The following SLC4A7 variants were observed in gnomAD, a reference collection of about 807,000 sequenced individuals.
SLC4A7 encodes solute carrier family 4 member 7.
In SLC4A7, 51 loss-of-function variants were observed where a neutral mutation model predicts 137.6. That is an observed-to-expected ratio of 0.37 (90% CI 0.30 to 0.47). The LOEUF is 0.47. Among genes scored for constraint, SLC4A7 ranks in the 20% least tolerant of loss-of-function variants. The pLI is 1.00. For missense variants in SLC4A7, 1,247 were observed against 1,525.4 expected, an observed-to-expected ratio of 0.82 and a Z score of 3.04; for synonymous variants, 542 against 518.6, an observed-to-expected ratio of 1.05 and a Z score of -0.61.
At chr3:27,483,724 A>C (rs1403417110) in intron 1 of SLC4A7, among the ~76,000 whole-genome samples, 3 of 152,108 alleles carry the variant, frequency 2.0e-5, no homozygotes, top group Non-Finnish European at 4.4e-5. Context: ...GCGCGCTAAG[A>C]AACAGGGGAG....
At chr3:27,473,244 C>T (rs1313594792) in intron 1 of SLC4A7, among the ~76,000 whole-genome samples, 2 of 151,968 alleles carry the variant, frequency 1.3e-5, no homozygotes. Flanking sequence ...GGCTCCTGTG[C>T]ACTATGATTA....
intron 1 of SLC4A7, among the ~76,000 whole-genome samples, chr3:27,483,259 T>C (rs947681255): frequency 3.3e-5 from 5 of 152,228 alleles, no homozygotes; most frequent in African/African-American, 4.8e-5. Context: ...TCATCACAAA[T>C]GGGAACACCG....
intron 1 of SLC4A7, 25 bp downstream of exon 1, chr3:27,484,042 A>C: frequency 7.2e-7 from 1 of 1,384,902 alleles, no homozygotes; most frequent in Non-Finnish European, 9.4e-7. Flanking sequence ...CCTGCGGAGG[A>C]GCCCCACCGC....
intron 23 of SLC4A7, among the ~76,000 whole-genome samples, chr3:27,383,992 A>AGG (rs1353383826): frequency 2.6e-5 from 4 of 152,216 alleles, no homozygotes; most frequent in Non-Finnish European, 4.4e-5. Context: ...GGTTAAGATT[A>AGG]AGGCTCAAGC....
chr3:27,424,125 G>A lies in SLC4A7; in HGVS notation c.1178C>T (p.Pro393Leu), dbSNP rs529601097. Reference protein sequence around the residue: ...PGILASPQSAPGNLDNSKSGE... With the variant: ...PGILASPQSALGNLDNSKSGE... ...ACTTTTACTATTGTCCAAGTTTCCA[G>A]GAGCAGACTGGGGAGAGGCCAAAAT... Residue 393 changes from proline to leucine, a missense_variant, in exon 8 of 26, where the codon CCT becomes CTT. Physicochemically the swap from Pro to Leu is moderately conservative, Grantham distance 98 (BLOSUM62 -3). Transcript: ENST00000454389. 8 of 1,609,226 alleles carry A rather than the reference G, an allele frequency of 5.0e-6. No homozygotes were observed. In the South Asian group the frequency reaches 8.8e-5, roughly 18 times the overall value.
At chr3:27,391,689 A>T in intron 21 of SLC4A7, 51 bp downstream of exon 21, 2 of 1,039,722 alleles carry the variant, frequency 1.9e-6, no homozygotes, top group Non-Finnish European at 2.9e-6. Context: ...ATCTTTGCAT[A>T]CTTAAAATTA....
Position 27,448,660 on chromosome 3 carries a change from G to A in SLC4A7, c.280C>T (p.Pro94Ser). 1.2e-6 allele frequency: 2 copies of A among 1,610,926 alleles called. No homozygotes were observed. Among genetic ancestry groups the A allele is most frequent in the Non-Finnish European group, 1.7e-6 (2 of 1,178,646 alleles). ...ESDKEDGRES[P>S]SYDTPSQRVQ... Reference sequence around the variant, plus strand: ...AACTGTTTTCTCTTACCATAAGAAGGAGATTCCCGTCCATCTTCTTTATCT... The same window carrying A: ...AACTGTTTTCTCTTACCATAAGAAGAAGATTCCCGTCCATCTTCTTTATCT... The change falls in exon 3 of 26, where the codon CCT becomes TCT. Residue 94 changes from proline (P) to serine (S), a missense_variant. Physicochemically the swap from Pro to Ser is moderately conservative, Grantham distance 74 (BLOSUM62 -1). Transcript: ENST00000454389.
intron 14 of SLC4A7, among the ~76,000 whole-genome samples, chr3:27,404,113 T>G (rs1198038522): frequency 1.3e-5 from 2 of 152,258 alleles, no homozygotes; most frequent in Admixed American, 1.3e-4. Flanking sequence ...GGCTCACGCC[T>G]GTAATCCCAA....
intron 7 of SLC4A7, among the ~76,000 whole-genome samples, chr3:27,426,422 A>G (rs1046842234): frequency 1.3e-5 from 2 of 152,238 alleles, no homozygotes; most frequent in African/African-American, 4.8e-5. Flanking sequence ...AACTACTTCC[A>G]CACAAGAAAA....
At chr3:27,406,792 C>T (rs1301546531) in intron 13 of SLC4A7, among the ~76,000 whole-genome samples, 2 of 151,898 alleles carry the variant, frequency 1.3e-5, no homozygotes, top group African/African-American at 4.8e-5. Context: ...ATTAGCTAGG[C>T]GTGGTGGTAC....
chr3:27,459,960 C>A (rs1219187136), intron 1 of SLC4A7, among the ~76,000 whole-genome samples: 2 of 139,770 alleles, frequency 1.4e-5, no homozygotes. Context: ...TCTTCCACAT[C>A]TCAGTGTTAT....
chr3:27,463,868 T>G (rs961965023), intron 1 of SLC4A7, among the ~76,000 whole-genome samples: 3 of 152,166 alleles, frequency 2.0e-5, no homozygotes, highest in Admixed American at 6.6e-5. Flanking sequence ...CCCCTTACCT[T>G]TCAAAGTGTC....
At position 27,377,301 on chromosome 3, in the gene SLC4A7, C is replaced by G. The variant is rs138463807; in HGVS notation, c.3699-456G>C. 4.8e-3 allele frequency among the ~76,000 whole-genome samples: 729 copies of G among 152,104 alleles called. 13 individuals carry two copies. The highest frequency in any genetic ancestry group is 0.017 in the African/African-American group (697 of 41,498). On this transcript the variant is annotated intron_variant, in intron 25 of 25. Coordinates refer to ENST00000454389, the MANE Select transcript of SLC4A7 (RefSeq NM_001321103.2). Reference sequence around the variant, plus strand: ...CCAAATTTGATTCATAAATACAAAACCAATACATCTATTCTATATATTCTA... The same window carrying G: ...CCAAATTTGATTCATAAATACAAAAGCAATACATCTATTCTATATATTCTA...
intron 3 of SLC4A7, among the ~76,000 whole-genome samples, chr3:27,444,665 T>A (rs1179405365): frequency 6.6e-6 from 1 of 152,224 alleles, no homozygotes; most frequent in African/African-American, 2.4e-5. Flanking sequence ...TGGGGCTTCC[T>A]CCTATTTTCA....
intron 1 of SLC4A7, among the ~76,000 whole-genome samples, chr3:27,464,860 T>C (rs531958294): frequency 6.6e-6 from 1 of 152,286 alleles, no homozygotes; most frequent in East Asian, 1.9e-4. Flanking sequence ...TGGCCCCTCC[T>C]GTTCCGGGAT....
intron 2 of SLC4A7, among the ~76,000 whole-genome samples, chr3:27,451,690 A>C (rs1034094655): frequency 2.0e-5 from 3 of 152,170 alleles, no homozygotes; most frequent in Non-Finnish European, 4.4e-5. Flanking sequence ...TAGAACAGAA[A>C]AAGGCCATTA....
chr3:27,423,190 T>C (rs1371003876), intron 8 of SLC4A7, among the ~76,000 whole-genome samples: 2 of 152,212 alleles, frequency 1.3e-5, no homozygotes, highest in Non-Finnish European at 2.9e-5. Context: ...ACTCCTTTTC[T>C]GTAAAATATA....
chr3:27,373,724 A>C lies in SLC4A7; in HGVS notation c.*3040T>G, dbSNP rs2049717530. The C allele has an allele frequency of 6.6e-6, 1 of 152,456 alleles. No homozygotes were observed. The allele number at this position is 152,456 out of a possible 1,614,324, so 9.4% of individuals were successfully genotyped here. On this transcript the variant is annotated 3_prime_UTR_variant, in exon 26 of 26. Coordinates refer to ENST00000454389, the MANE Select transcript of SLC4A7 (RefSeq NM_001321103.2). ...GCCTTTGTGAAAGAAAAAAATTAGA[A>C]AGCTATATTATACCCACACAGAAAA...
At chr3:27,438,581 A>G (rs1224828478) in intron 3 of SLC4A7, among the ~76,000 whole-genome samples, 1 of 147,894 alleles carries the variant, frequency 6.8e-6, no homozygotes, top group Non-Finnish European at 1.5e-5. Context: ...ATAACAAAAT[A>G]ACATAAAATA....
Sources: gnomAD v4.1 joint callset for allele counts (sites outside exome capture counted in the v4.1 genomes callset) on GRCh38, gnomAD v4.1.1 for gene constraint, MANE v1.5 for transcripts, NCBI Gene and HGNC (gene_info 2026-07-23, HGNC 2026-07-21) for gene names.